MBIP: variants seen among roughly 807,000 people sequenced by gnomAD.
The protein encoded by MBIP is MAP3K12 binding inhibitory protein 1.
A neutral mutation model predicts 45.7 loss-of-function variants in MBIP; 32 were observed. That is an observed-to-expected ratio of 0.70 (90% CI 0.53 to 0.94). MBIP has a LOEUF of 0.94. Ranked by LOEUF, MBIP falls within the 40% of genes least tolerant of loss-of-function variation. MBIP has a pLI of 0.00. For missense variants in MBIP, 381 were observed against 405.5 expected, an observed-to-expected ratio of 0.94 and a Z score of 0.52; for synonymous variants, 145 against 141.0, an observed-to-expected ratio of 1.03 and a Z score of -0.20.
chr14:36,306,721 A>G (rs1312384024), intron 7 of MBIP, among the ~76,000 whole-genome samples: 1 of 152,210 alleles, frequency 6.6e-6, no homozygotes, highest in Non-Finnish European at 1.5e-5. Flanking sequence ...ATGAAATTGA[A>G]CTAGAAAAAT....
intron 2 of MBIP, 101 bp downstream of exon 2, chr14:36,316,592 C>T (rs1281169757): frequency 6.6e-6 from 7 of 1,053,856 alleles, no homozygotes; most frequent in African/African-American, 3.2e-5. Context: ...ATTAGCAACA[C>T]TATTAATATA....
chr14:36,317,980 T>A (rs928255897), intron 1 of MBIP, among the ~76,000 whole-genome samples: 2 of 152,054 alleles, frequency 1.3e-5, no homozygotes, highest in South Asian at 2.1e-4. Flanking sequence ...AATGGAAGCA[T>A]TTAAAAGTCC....
intron 6 of MBIP, among the ~76,000 whole-genome samples, chr14:36,309,073 T>A (rs1438138264): frequency 6.6e-6 from 1 of 152,144 alleles, no homozygotes; most frequent in Non-Finnish European, 1.5e-5. Flanking sequence ...TCCAGCCACT[T>A]GATTACTTTT....
rs1242444122 is a variant in MBIP at position 36,311,592 on chromosome 14, G to A, written c.771C>T (p.Ala257=). The part of the protein sequence containing the change: ...AVEERLQNIE[A]HLRLQTGGPV... ...GCTTACCTGTCTGTAACCGCAAGTG[G>A]GCCTCAATATTTTGTAGTCGTTCTT... Residue 257 remains alanine, a synonymous_variant, in exon 6 of 9, where the codon GCC becomes GCT. Transcript: ENST00000416007. The A allele has an allele frequency of 1.9e-6, 3 of 1,611,286 alleles. No homozygotes were observed. Among genetic ancestry groups the A allele is most frequent in the Middle Eastern group, 1.7e-4 (1 of 6,050 alleles).
At chr14:36,311,483 G>A (rs1223094628) in intron 6 of MBIP, 90 bp downstream of exon 6, 3 of 1,231,146 alleles carry the variant, frequency 2.4e-6, no homozygotes, top group Non-Finnish European at 3.4e-6. Context: ...AATGTTAGGA[G>A]CTAAATGAAA....
At chr14:36,313,155 T>G (rs1880311998) in intron 4 of MBIP, 1 of 152,014 alleles carries the variant, frequency 6.6e-6, no homozygotes, top group Non-Finnish European at 1.5e-5. Context: ...TTTTTTTTTT[T>G]TGGAGGCACC....
Position 36,316,769 on chromosome 14 carries a change from T to C in MBIP, c.173A>G (p.Asn58Ser). ...DDVVKITIDWNKLQSLSAFQP... is the reference protein window; with the variant it reads ...DDVVKITIDWSKLQSLSAFQP... Reference sequence around the variant, plus strand: ...GAATGCCGAGAGGCTCTGGAGCTTGTTCCAATCGATTGTAATTTTCACCAC... The same window carrying C: ...GAATGCCGAGAGGCTCTGGAGCTTGCTCCAATCGATTGTAATTTTCACCAC... Residue 58 changes from asparagine to serine, a missense_variant, in exon 2 of 9, where the codon AAC becomes AGC. Coordinates refer to ENST00000416007, the MANE Select transcript of MBIP (RefSeq NM_016586.3). 1 of 1,612,724 alleles carries C rather than the reference T, an allele frequency of 6.2e-7. No individual in the cohort carries two copies. The highest frequency in any genetic ancestry group is 8.5e-7 in the Non-Finnish European group (1 of 1,179,202).
chr14:36,304,063 AAT>A (rs1290444557), intron 7 of MBIP, among the ~76,000 whole-genome samples: 1 of 152,168 alleles, frequency 6.6e-6, no homozygotes, highest in Non-Finnish European at 1.5e-5. Flanking sequence ...GGCCCTCTGA[AAT>A]ATGTTTACAA....
At position 36,298,727 on chromosome 14, in the gene MBIP, A is replaced by G. The variant is rs752058457; in HGVS notation, c.*356T>C. The stretch of plus-strand genomic sequence containing the variant: ...TAAACTAATAAACTGGTTAACATCA[A>G]TGTTACAAATATAAAGTCCTTTTAA... On this transcript the variant is annotated 3_prime_UTR_variant, in exon 9 of 9. Coordinates refer to ENST00000416007, the MANE Select transcript of MBIP (RefSeq NM_016586.3). 11 of 169,294 alleles carry G rather than the reference A, an allele frequency of 6.5e-5. No individual in the cohort carries two copies. The highest frequency in any genetic ancestry group is 1.0e-4 in the Non-Finnish European group (8 of 78,786). 10.5% of individuals were successfully genotyped at this position (169,294 alleles called of 1,614,324 possible).
chr14:36,298,819 G>A lies in MBIP; in HGVS notation c.*264C>T, dbSNP rs1324640887. On this transcript the variant is annotated 3_prime_UTR_variant, in exon 9 of 9. Transcript: ENST00000416007. ...AAAGAAAAAAGATGTACCAGCACTT[G>A]TAAATTAAGTTTTTCAATTTCCAAA... 2 of 295,598 alleles carry A rather than the reference G, an allele frequency of 6.8e-6. No homozygotes were observed. Among genetic ancestry groups the A allele is most frequent in the Non-Finnish European group, 1.3e-5 (2 of 158,900 alleles). The allele number at this position is 295,598 out of a possible 1,614,324, so 18.3% of individuals were successfully genotyped here.
rs537741946 is a variant in MBIP, at chr14:36,304,321, A to G, written c.889-3498T>C. On this transcript the variant is annotated intron_variant, in intron 7 of 8. Coordinates refer to ENST00000416007, the MANE Select transcript of MBIP (RefSeq NM_016586.3). The stretch of plus-strand genomic sequence containing the variant: ...AGCCAAGTCCTATCCATTCATTTGC[A>G]CATCTACTCGATATTGACTACATTC... Among the ~76,000 whole-genome samples the G allele has an allele frequency of 2.0e-5, 3 of 152,362 alleles. No homozygotes were observed. In the South Asian group the frequency reaches 6.2e-4, roughly 32 times the overall value.
intron 8 of MBIP, 102 bp from the exon 9 acceptor site, chr14:36,299,292 T>C (rs1879389020): frequency 1.3e-6 from 1 of 766,998 alleles, no homozygotes; most frequent in Non-Finnish European, 2.2e-6. Flanking sequence ...TTCAAAAGCA[T>C]GATCAAATGG....
In MBIP at chr14:36,316,804, G is replaced by A. The variant is rs746733769; in HGVS notation, c.138C>T (p.Leu46=). 6.2e-7 allele frequency: 1 copy of A among 1,609,142 alleles called. No individual in the cohort carries two copies. Among genetic ancestry groups the A allele is most frequent in the Non-Finnish European group, 8.5e-7 (1 of 1,178,124 alleles). Residue 46 remains leucine (L), a synonymous_variant, in exon 2 of 9, where the codon CTC becomes CTT. Transcript: ENST00000416007. ...TTGTAATTTTCACCACATCATCTCT[G>A]AGGTCAAGCTTCAAAGGGGCAAACC... ...SLHTLVGQLD[L]RDDVVKITID...
intron 6 of MBIP, among the ~76,000 whole-genome samples, 194 bp from the exon 7 acceptor site, chr14:36,308,383 T>C (rs953932014): frequency 1.3e-5 from 2 of 152,252 alleles, no homozygotes; most frequent in African/African-American, 2.4e-5. Context: ...CATATTGTAC[T>C]ACACTTCCTC....
Position 36,314,514 on chromosome 14 carries a change from T to A in MBIP, c.569A>T (p.Gln190Leu), listed in dbSNP as rs753424483. The A allele has an allele frequency of 1.9e-6, 3 of 1,598,344 alleles. No homozygotes were observed. The East Asian group carries it at 6.7e-5, about 36-fold the overall frequency. ...REFCNVIDCN[Q>L]ENSCARTDAI... ...AAAATTAATTTCCAGGTAGTTACCT[T>A]GATTACAATCAATAACATTGCAAAA... is the stretch of plus-strand genomic sequence containing the variant. The change falls in exon 4 of 9, where the codon CAA (glutamine) becomes CTA (leucine). Residue 190 changes from glutamine to leucine, a missense_variant and splice_region_variant. Transcript: ENST00000416007.
intron 1 of MBIP, chr14:36,319,490 T>C (rs748378104): frequency 2.6e-5 from 9 of 347,544 alleles, no homozygotes; most frequent in South Asian, 1.2e-4. Flanking sequence ...TTTTTAAAAA[T>C]AGTAACTTCT....
Position 36,311,979 on chromosome 14 carries a change from C to A in MBIP, c.617G>T (p.Gly206Val), listed in dbSNP as rs753330334. ...CTTACCTTTTACGTGACTTTTAAAT[C>A]CGGGGTAAGGGGTAAAAATCGCATC... ...RTDAIFTPYPGFKSHVKVSRV... is the reference protein window; with the variant it reads ...RTDAIFTPYPVFKSHVKVSRV... Residue 206 changes from glycine (G) to valine (V), a missense_variant, in exon 5 of 9, where the codon GGA becomes GTA. Gly to Val is a moderately radical substitution (Grantham distance 109, BLOSUM62 -3). Transcript: ENST00000416007. 1 of 1,595,766 alleles carries A rather than the reference C, an allele frequency of 6.3e-7. No individual in the cohort carries two copies. The highest frequency in any genetic ancestry group is 1.2e-5 in the South Asian group (1 of 86,512).
intron 6 of MBIP, among the ~76,000 whole-genome samples, chr14:36,309,237 C>T (rs188009459): frequency 4.3e-4 from 66 of 152,334 alleles, no homozygotes; most frequent in African/African-American, 1.5e-3. Flanking sequence ...TACTACCACT[C>T]CCCTACCCAG....
At chr14:36,319,781 G>A (rs562512928) in intron 1 of MBIP, 1 of 175,562 alleles carries the variant, frequency 5.7e-6, no homozygotes, top group African/African-American at 2.4e-5. Context: ...TGACTTGATC[G>A]AAGAAGCCCA....
Sources: gnomAD v4.1 joint callset for allele counts (sites outside exome capture counted in the v4.1 genomes callset) on GRCh38, gnomAD v4.1.1 for gene constraint, MANE v1.5 for transcripts, NCBI Gene and HGNC (gene_info 2026-07-23, HGNC 2026-07-21) for gene names.